RASAL1: variants seen among roughly 807,000 people sequenced by gnomAD.
RASAL1 encodes rasGAP-activating-like protein 1.
Under a neutral mutation model 96.6 loss-of-function variants are expected in RASAL1, and 72 were observed. That is an observed-to-expected ratio of 0.75 (90% CI 0.62 to 0.91). RASAL1 has a LOEUF of 0.91. Among genes scored for constraint, RASAL1 ranks in the 40% least tolerant of loss-of-function variants. RASAL1 has a pLI of 0.00. For synonymous variants in RASAL1, 405 were observed against 430.4 expected (o/e 0.94, Z 0.73); for missense variants, 1,016 against 1,072.5 (o/e 0.95, Z 0.74).
Position 113,112,221 on chromosome 12 carries a change from C to A in RASAL1, c.1239G>T (p.Gly413=). The stretch of plus-strand genomic sequence containing the variant: ...TGGGCCCCAGGTAGCCCGTCAGCAG[C>A]CCCAGGCTGGTCTCCCGCATCTGCT... The part of the protein sequence containing the change: ...SEEQMRETSL[G]LLTGYLGPIV... Residue 413 remains glycine, a synonymous_variant, in exon 13 of 21, where the codon GGG becomes GGT. Coordinates refer to ENST00000548055, the MANE Select transcript of RASAL1 (RefSeq NM_001301202.2). 1 of 1,265,914 alleles carries A rather than the reference C, an allele frequency of 7.9e-7. No homozygotes were observed. Among genetic ancestry groups the A allele is most frequent in the Non-Finnish European group, 1.0e-6 (1 of 997,278 alleles). 78.4% of individuals were successfully genotyped at this position (1,265,914 alleles called of 1,614,324 possible).
intron 4 of RASAL1, among the ~76,000 whole-genome samples, chr12:113,126,216 C>G (rs543658998): frequency 6.6e-6 from 1 of 151,894 alleles, no homozygotes; most frequent in East Asian, 1.9e-4. Context: ...GCCCGGGAGG[C>G]AAAGGTTGCA....
chr12:113,128,741 A>G (rs1009040983), intron 2 of RASAL1, among the ~76,000 whole-genome samples: 1 of 152,200 alleles, frequency 6.6e-6, no homozygotes, highest in Admixed American at 6.5e-5. Context: ...ACACATATGC[A>G]CCCTCAGAAA....
intron 5 of RASAL1, 54 bp from the exon 6 acceptor site, chr12:113,119,497 G>T: frequency 6.6e-7 from 1 of 1,504,426 alleles, no homozygotes; most frequent in Non-Finnish European, 9.1e-7. Flanking sequence ...GTTGGGCCTT[G>T]GAAAGGCTGT....
chr12:113,136,559 G>C (rs1592980418), upstream of RASAL1, among the ~76,000 whole-genome samples: 1 of 152,330 alleles, frequency 6.6e-6, no homozygotes, highest in South Asian at 2.1e-4. Context: ...GCCTTCCAGG[G>C]GTTCGAATCC....
At chr12:113,105,423 G>A (rs533315254) in intron 16 of RASAL1, among the ~76,000 whole-genome samples, 12 of 152,324 alleles carry the variant, frequency 7.9e-5, no homozygotes, top group African/African-American at 2.4e-4. Flanking sequence ...GAGCATTGGA[G>A]AGAGGCTCAG....
chr12:113,106,038 C>T (rs538542478), intron 15 of RASAL1, among the ~76,000 whole-genome samples, 152 bp from the exon 16 acceptor site: 1 of 152,300 alleles, frequency 6.6e-6, no homozygotes, highest in East Asian at 1.9e-4. Flanking sequence ...CTTCAGACCA[C>T]TCCCTCAATA....
intron 19 of RASAL1, 60 bp from the exon 20 acceptor site, chr12:113,100,740 C>G: frequency 6.9e-7 from 1 of 1,453,176 alleles, no homozygotes. Context: ...TGCTTCCTAC[C>G]CCAGAAATTC....
intron 18 of RASAL1, among the ~76,000 whole-genome samples, chr12:113,102,447 A>G (rs773923750): frequency 1.3e-5 from 2 of 152,316 alleles, no homozygotes; most frequent in Middle Eastern, 3.4e-3. Flanking sequence ...AATCTCAGCT[A>G]CTTGGGAGGC....
intron 18 of RASAL1, 101 bp downstream of exon 18, chr12:113,103,845 G>T: frequency 6.8e-7 from 1 of 1,476,912 alleles, no homozygotes; most frequent in Non-Finnish European, 9.2e-7. Context: ...GAGAGGTTGA[G>T]TAACTTGCCC....
chr12:113,101,276 C>A (rs1269170984), intron 19 of RASAL1, among the ~76,000 whole-genome samples: 1 of 152,096 alleles, frequency 6.6e-6, no homozygotes, highest in Non-Finnish European at 1.5e-5. Flanking sequence ...ACTAGTCAGG[C>A]GTGGTGGCAA....
rs753918923 is a variant in RASAL1 at position 113,115,755 on chromosome 12, C to A, written c.883G>T (p.Glu295Ter). 14 of 1,614,182 alleles carry A rather than the reference C, an allele frequency of 8.7e-6. No homozygotes were observed. The South Asian group carries it at 1.5e-4, about 18-fold the overall frequency. Reference sequence around the variant, plus strand: ...TGGCGGCAGTCCCCCAAGGTCAGCTCTTCCAGCAAAGCCAAGGGGCTAGCA... The same window carrying A: ...TGGCGGCAGTCCCCCAAGGTCAGCTATTCCAGCAAAGCCAAGGGGCTAGCA... ...DTASPLALLE[E>*]LTLGDCRQDL... The change falls in exon 10 of 21, where the codon GAG becomes TAG. Residue 295 changes from glutamate to a stop codon, truncating the protein, a stop_gained. Transcript: ENST00000548055. LOFTEE classifies it high-confidence loss of function. The surrounding 1 kb of genome is among the most constrained non-coding windows in gnomAD (Gnocchi z 4.1).
intron 14 of RASAL1, among the ~76,000 whole-genome samples, chr12:113,107,764 T>C (rs1351446277): frequency 6.7e-6 from 1 of 149,614 alleles, no homozygotes; most frequent in East Asian, 1.9e-4. Context: ...AACTGCTCAG[T>C]CCTACCATGG....
At position 113,101,935 on chromosome 12, in the gene RASAL1, C is replaced by T; in HGVS notation, c.2179G>A (p.Ala727Thr). ...AGCAGCTGCCGATACACTGTCTGGG[C>T]CTCAGCATCAGGATCCAGTGGGTCA... Reference protein sequence around the residue: ...WSDPLDPDAEAQTVYRQLLLG... With the variant: ...WSDPLDPDAETQTVYRQLLLG... Residue 727 changes from alanine to threonine, a missense_variant, in exon 19 of 21, where the codon GCC (alanine) becomes ACC (threonine). By Grantham distance (58) the Ala-to-Thr change is moderately conservative (BLOSUM62 0). Coordinates refer to ENST00000548055, the MANE Select transcript of RASAL1 (RefSeq NM_001301202.2). 1 of 1,614,156 alleles carries T rather than the reference C, an allele frequency of 6.2e-7. No homozygotes were observed. The highest frequency in any genetic ancestry group is 1.3e-5 in the African/African-American group (1 of 75,054).
At chr12:113,116,650 G>A (rs1055835458) in intron 8 of RASAL1, among the ~76,000 whole-genome samples, 1 of 152,244 alleles carries the variant, frequency 6.6e-6, no homozygotes, top group Non-Finnish European at 1.5e-5. Flanking sequence ...TACAGGATGT[G>A]TGGACAAGTG....
rs1323643515 is a variant in RASAL1, at chr12:113,103,940, C to A, written c.2104+6G>T. The A allele has an allele frequency of 6.4e-7, 1 of 1,552,558 alleles. No homozygotes were observed. Among genetic ancestry groups the A allele is most frequent in the South Asian group, 1.2e-5 (1 of 84,678 alleles). ...GCGGAGCCTGCAGTCCGCCCTGCCC[C>A]CTCACCTGAGCGCTCAGCCTGGAGG... On this transcript the variant is annotated splice_donor_region_variant and intron_variant, in intron 18 of 20. Transcript: ENST00000548055.
intron 2 of RASAL1, 97 bp from the exon 3 acceptor site, chr12:113,128,275 CACA>C: frequency 2.8e-6 from 2 of 706,180 alleles, no homozygotes; most frequent in Non-Finnish European, 4.9e-6. Flanking sequence ...CACACACACA[CACA>C]CACGGGAATC....
chr12:113,121,580 C>T lies in RASAL1; in HGVS notation c.357G>A (p.Glu119=). Residue 119 remains glutamate (E), a synonymous_variant, in exon 5 of 21, where the codon GAG becomes GAA. Transcript: ENST00000548055. ...CCAGCATCTGCACTGACAGGCAGAT[C>T]TCACCCTGCACTTCTGCATCTGGGT... ...RVDPDAEVQG[E]ICLSVQMLED... The T allele has an allele frequency of 6.2e-7, 1 of 1,614,230 alleles. No homozygotes were observed. Among genetic ancestry groups the T allele is most frequent in the Middle Eastern group, 1.6e-4 (1 of 6,062 alleles).
At chr12:113,107,577 C>T (rs577436568) in intron 14 of RASAL1, 70 of 500,308 alleles carry the variant, frequency 1.4e-4, no homozygotes, top group Admixed American at 3.5e-4. Flanking sequence ...AAGCCAAGAT[C>T]GTGCCACTGC....
At chr12:113,119,529 T>C (rs1948883011) in intron 5 of RASAL1, 86 bp from the exon 6 acceptor site, 1 of 1,297,958 alleles carries the variant, frequency 7.7e-7, no homozygotes, top group East Asian at 2.5e-5. Context: ...CATTCCAATG[T>C]CGCTGGTTTC....
Sources: gnomAD v4.1 joint callset for allele counts (sites outside exome capture counted in the v4.1 genomes callset) on GRCh38, gnomAD v4.1.1 for gene constraint, Gnocchi (gnomAD v3.1) non-coding constraint, MANE v1.5 for transcripts, NCBI Gene and HGNC (gene_info 2026-07-23, HGNC 2026-07-21) for gene names.